Variants in SLC2A14 observed in about 807,000 individuals in gnomAD.
The protein encoded by SLC2A14 is solute carrier family 2 member 14, also known as solute carrier family 2, facilitated glucose transporter member 14.
Under a neutral mutation model 43.0 loss-of-function variants are expected in SLC2A14, and 13 were observed. That is an observed-to-expected ratio of 0.30 (90% CI 0.20 to 0.48). SLC2A14 has a LOEUF of 0.48. Ranked by LOEUF, SLC2A14 falls within the 20% of genes least tolerant of loss-of-function variation. SLC2A14 has a pLI of 0.99. For missense variants in SLC2A14, 428 were observed against 620.4 expected, an observed-to-expected ratio of 0.69 and a Z score of 3.29; for synonymous variants, 190 against 233.8, an observed-to-expected ratio of 0.81 and a Z score of 1.71.
intron 1 of SLC2A14, among the ~76,000 whole-genome samples, chr12:7,888,120 T>G (rs1945716467): frequency 6.6e-6 from 1 of 152,110 alleles, no homozygotes; most frequent in Admixed American, 6.6e-5. Flanking sequence ...GAAATCTACC[T>G]AGCTTTAACA....
intron 1 of SLC2A14, among the ~76,000 whole-genome samples, chr12:7,880,267 C>T (rs1945541999): frequency 1.3e-5 from 2 of 150,936 alleles, no homozygotes; most frequent in Admixed American, 1.3e-4. Context: ...GCCATTGCAC[C>T]CTAGCCTGGG....
chr12:7,850,023 G>C (rs1203391719), intron 2 of SLC2A14, among the ~76,000 whole-genome samples: 1 of 131,848 alleles, frequency 7.6e-6, no homozygotes, highest in East Asian at 2.4e-4. Context: ...GACAAGACAA[G>C]AAAGTGCTAA....
At chr12:7,884,700 C>T (rs1306566859) in intron 1 of SLC2A14, among the ~76,000 whole-genome samples, 1 of 152,090 alleles carries the variant, frequency 6.6e-6, no homozygotes, top group Non-Finnish European at 1.5e-5. Context: ...TCTCTAACAC[C>T]TACTGAGAAA....
At position 7,817,811 on chromosome 12, in the gene SLC2A14, G is replaced by C. The variant is rs376762152; in HGVS notation, c.1275+20C>G. 29 of 1,609,218 alleles carry C rather than the reference G, an allele frequency of 1.8e-5. No homozygotes were observed. Among genetic ancestry groups the C allele is most frequent in the Non-Finnish European group, 2.4e-5 (28 of 1,178,290 alleles). ...ACATAGATAGATACATAGATACATA[G>C]ATAAGGTGAGTTTACTTACAGCAGC... On this transcript the variant is annotated intron_variant, in intron 10 of 10. Coordinates refer to ENST00000431042, the MANE Select transcript of SLC2A14 (RefSeq NM_001286234.2).
rs137905290 is a variant in SLC2A14 at position 7,856,923 on chromosome 12, A to G, written c.18+12940T>C. On this transcript the variant is annotated intron_variant, in intron 2 of 10. Coordinates refer to ENST00000431042, the MANE Select transcript of SLC2A14 (RefSeq NM_001286234.2). ...TTTAGAAGGATCAATTGGTAAACAA[A>G]CCCTAATTTCCAGAGTATATTTGTC... 2.9e-3 allele frequency among the ~76,000 whole-genome samples: 437 copies of G among 152,030 alleles called. 1 individual carries two copies. The highest frequency in any genetic ancestry group is 0.01 in the African/African-American group (422 of 41,496).
At chr12:7,834,041 C>T (rs1865244510) in intron 2 of SLC2A14, among the ~76,000 whole-genome samples, 1 of 132,924 alleles carries the variant, frequency 7.5e-6, no homozygotes, top group Admixed American at 8.3e-5. Flanking sequence ...GTAGAACTGA[C>T]CTTGCCTGCG....
chr12:7,835,657 TAA>T (rs1175418194), intron 2 of SLC2A14, among the ~76,000 whole-genome samples: 1 of 152,188 alleles, frequency 6.6e-6, no homozygotes, highest in Admixed American at 6.5e-5. Flanking sequence ...ACATAAAATC[TAA>T]AGTCAGGGAA....
At chr12:7,847,656 A>G (rs1387954415) in intron 2 of SLC2A14, among the ~76,000 whole-genome samples, 2 of 152,076 alleles carry the variant, frequency 1.3e-5, no homozygotes, top group South Asian at 2.1e-4. Flanking sequence ...TCCAGCTCCA[A>G]TCTGGCTTCT....
At chr12:7,843,029 C>T (rs753094395) in intron 2 of SLC2A14, among the ~76,000 whole-genome samples, 1 of 152,014 alleles carries the variant, frequency 6.6e-6, no homozygotes, top group African/African-American at 2.4e-5. Context: ...CGCCTGGCCA[C>T]ATAAATGTTT....
chr12:7,882,148 A>G (rs1020519710), intron 1 of SLC2A14, among the ~76,000 whole-genome samples: 1 of 152,018 alleles, frequency 6.6e-6, no homozygotes, highest in Admixed American at 6.6e-5. Context: ...TTGGGTCTGC[A>G]CTGCTTTTAT....
chr12:7,876,381 A>G (rs1286962411), upstream of SLC2A14, among the ~76,000 whole-genome samples: 1 of 151,458 alleles, frequency 6.6e-6, no homozygotes, highest in East Asian at 1.9e-4. Context: ...GTGAACCTGG[A>G]AGCATGCCCT....
intron 2 of SLC2A14, among the ~76,000 whole-genome samples, chr12:7,837,836 C>T (rs11838167): frequency 0.93 from 140,623 of 151,956 alleles, 65,856 homozygotes; most frequent in Non-Finnish European, 1. Flanking sequence ...TGGCTCACTG[C>T]AACCTCCACC....
chr12:7,876,989 C>T (rs1458957218), upstream of SLC2A14, among the ~76,000 whole-genome samples: 2 of 149,412 alleles, frequency 1.3e-5, no homozygotes, highest in African/African-American at 4.9e-5. Context: ...TTTTTTAAAG[C>T]TGAATAATTT....
chr12:7,844,584 T>C lies in SLC2A14; in HGVS notation c.19-11770A>G, dbSNP rs926462929. Among the ~76,000 whole-genome samples the C allele has an allele frequency of 1.2e-4, 18 of 151,670 alleles. No individual in the cohort carries two copies. In the East Asian group the frequency reaches 3.5e-3, roughly 29 times the overall value. ...CAGGGTCTCACTCTGTCACCCAGGC[T>C]GGAGTTCAGTGGCACAATCTCGGCT... On this transcript the variant is annotated intron_variant, in intron 2 of 10. Coordinates refer to ENST00000431042, the MANE Select transcript of SLC2A14 (RefSeq NM_001286234.2).
intron 2 of SLC2A14, chr12:7,860,747 A>T (rs953342959): frequency 6.6e-6 from 1 of 152,340 alleles, no homozygotes; most frequent in Non-Finnish European, 1.5e-5. Flanking sequence ...TTCCATCAGT[A>T]TTGAGTCAGG....
intron 2 of SLC2A14, among the ~76,000 whole-genome samples, chr12:7,844,221 T>G (rs1431251330): frequency 2.6e-5 from 4 of 152,198 alleles, no homozygotes; most frequent in Admixed American, 6.5e-5. Flanking sequence ...TTTGTTGTTC[T>G]TGACCTTTAA....
At chr12:7,876,920 G>A (rs1221998409), upstream of SLC2A14, among the ~76,000 whole-genome samples, 1 of 151,506 alleles carries the variant, frequency 6.6e-6, no homozygotes, top group African/African-American at 2.4e-5. Flanking sequence ...TTTTTTTTCT[G>A]TCTGGCTTAT....
At chr12:7,868,569 A>AC in intron 2 of SLC2A14, among the ~76,000 whole-genome samples, 1 of 152,148 alleles carries the variant, frequency 6.6e-6, no homozygotes. Flanking sequence ...AGTCATAGGC[A>AC]CCAAGAGTGC....
intron 2 of SLC2A14, among the ~76,000 whole-genome samples, chr12:7,854,896 C>T (rs1189664609): frequency 1.3e-5 from 2 of 152,066 alleles, no homozygotes; most frequent in South Asian, 2.1e-4. Context: ...ATGCAACCTC[C>T]GCCTCCCGTG....
Sources: gnomAD v4.1 joint callset for allele counts (sites outside exome capture counted in the v4.1 genomes callset) on GRCh38, gnomAD v4.1.1 for gene constraint, MANE v1.5 for transcripts, NCBI Gene and HGNC (gene_info 2026-07-23, HGNC 2026-07-21) for gene names.